The following ABCA9 variants were observed in gnomAD, a reference collection of about 807,000 sequenced individuals.
ABCA9 encodes ATP-binding cassette sub-family A member 9.
In ABCA9, 183 loss-of-function variants were observed where a neutral mutation model predicts 205.3. That is an observed-to-expected ratio of 0.89 (90% confidence interval 0.79 to 1.01). ABCA9 has a LOEUF of 1.01. Among genes scored for constraint, ABCA9 ranks in the 50% least tolerant of loss-of-function variants. The pLI is 0.00. For missense variants in ABCA9, 1,805 were observed against 1,912.4 expected (o/e 0.94, Z 1.05); for synonymous variants, 651 against 683.3 (o/e 0.95, Z 0.74).
chr17:68,993,027 C>A lies in ABCA9; in HGVS notation c.3613G>T (p.Ala1205Ser). The A allele has an allele frequency of 1.9e-6, 3 of 1,612,774 alleles. No individual in the cohort carries two copies. Among genetic ancestry groups the A allele is most frequent in the Non-Finnish European group, 2.5e-6 (3 of 1,179,272 alleles). ...AAAAGTCTTCTTACTATTAGCAGTG[C>A]CAGGTATACAATTTCAGATTCTGAA... ...GASESEIVYL[A>S]LLIPYLHFLI... The change falls in exon 27 of 39, where the codon GCA (alanine) becomes TCA (serine). Residue 1205 changes from alanine (A) to serine (S), a missense_variant. Transcript: ENST00000340001.
Position 68,990,902 on chromosome 17 carries a change from C to G in ABCA9, c.3772G>C (p.Glu1258Gln). Residue 1258 changes from glutamate (E) to glutamine (Q), a missense_variant, in exon 29 of 39, where the codon GAG becomes CAG. By Grantham distance (29) the Glu-to-Gln change is conservative (BLOSUM62 2). Coordinates refer to ENST00000340001, the MANE Select transcript of ABCA9 (RefSeq NM_080283.4). The part of the protein sequence containing the change: ...FPNPEEPEGE[E>Q]EDIQMERMRT... ...ATTCTTTCCATCTGGATATCTTCCT[C>G]CTCTCCTTCAGGCTCTTCTGGGTTT... 4 of 1,613,986 alleles carry G rather than the reference C, an allele frequency of 2.5e-6. No individual in the cohort carries two copies. Among genetic ancestry groups the G allele is most frequent in the Non-Finnish European group, 3.4e-6 (4 of 1,179,934 alleles).
chr17:69,065,753 C>G (rs970665673), upstream of ABCA9, among the ~76,000 whole-genome samples: 2 of 152,116 alleles, frequency 1.3e-5, no homozygotes, highest in Admixed American at 6.6e-5. Flanking sequence ...GGCCGTGTCC[C>G]CCCGGCAAAT....
rs2068863671 is a variant in ABCA9, at chr17:68,975,117, T to G, written c.*798A>C. The G allele has an allele frequency of 1.3e-5, 2 of 152,182 alleles. No individual in the cohort carries two copies. The highest frequency in any genetic ancestry group is 4.1e-4 in the South Asian group (2 of 4,834). The allele number at this position is 152,182 out of a possible 1,614,324, so 9.4% of individuals were successfully genotyped here. ...GAACATGCGGTGTTTGGTTTTCTGT[T>G]CCTGTGTTAGTTTGCTGAGGATGAT... is the stretch of plus-strand genomic sequence containing the variant. On this transcript the variant is annotated 3_prime_UTR_variant, in exon 39 of 39. Transcript: ENST00000340001.
At chr17:68,984,425 A>G (rs2069164267) in intron 34 of ABCA9, among the ~76,000 whole-genome samples, 1 of 152,218 alleles carries the variant, frequency 6.6e-6, no homozygotes, top group Non-Finnish European at 1.5e-5. Context: ...ATTTATGAGA[A>G]TGCAGTAGGA....
At position 68,980,262 on chromosome 17, in the gene ABCA9, G is replaced by T. The variant is rs965218371; in HGVS notation, c.4720+2300C>A. Among the ~76,000 whole-genome samples the T allele has an allele frequency of 3.4e-4, 52 of 151,982 alleles. No individual in the cohort carries two copies. In the East Asian group the frequency reaches 0.01, roughly 29 times the overall value. ...ACCATCTCACACCAGTTAGAATGGC[G>T]ATCATTAAAAAGTCAGGAAACAACA... On this transcript the variant is annotated intron_variant, in intron 37 of 38. Coordinates refer to ENST00000340001, the MANE Select transcript of ABCA9 (RefSeq NM_080283.4).
At chr17:69,027,157 T>A in intron 14 of ABCA9, 43 bp from the exon 15 acceptor site, 1 of 1,602,612 alleles carries the variant, frequency 6.2e-7, no homozygotes, top group South Asian at 1.1e-5. Context: ...CCCTTTCGGA[T>A]AAGATCCTTT....
intron 26 of ABCA9, 29 bp from the exon 27 acceptor site, chr17:68,993,113 G>T: frequency 1.3e-6 from 2 of 1,568,912 alleles, no homozygotes; most frequent in Non-Finnish European, 1.8e-6. Context: ...GTGTATTCAG[G>T]TGAACCTTCT....
chr17:68,986,522 T>C, intron 31 of ABCA9, 198 bp from the exon 32 acceptor site: 1 of 478,266 alleles, frequency 2.1e-6, no homozygotes, highest in Non-Finnish European at 3.6e-6. Context: ...TGGTTATCCA[T>C]TGTAGTGTAG....
intron 22 of ABCA9, among the ~76,000 whole-genome samples, chr17:69,014,247 C>T (rs1308479252): frequency 2.0e-5 from 3 of 152,068 alleles, no homozygotes; most frequent in Non-Finnish European, 4.4e-5. Context: ...TGGAAAATTC[C>T]ATACCTGACC....
chr17:69,050,163 A>G (rs2144502700), intron 2 of ABCA9, among the ~76,000 whole-genome samples: 1 of 152,244 alleles, frequency 6.6e-6, no homozygotes, highest in African/African-American at 2.4e-5. Flanking sequence ...AGAAAAATAA[A>G]TATAATGTTT....
chr17:69,073,867 T>C, the ABCA9 span, among the ~76,000 whole-genome samples: 2 of 150,528 alleles, frequency 1.3e-5, no homozygotes, highest in African/African-American at 2.4e-5. Flanking sequence ...AACTTTTACT[T>C]TTTTTTTTGT....
chr17:69,017,101 C>A (rs2070646454), intron 21 of ABCA9, among the ~76,000 whole-genome samples: 1 of 152,080 alleles, frequency 6.6e-6, no homozygotes, highest in African/African-American at 2.4e-5. Context: ...TAATTTCTTA[C>A]TTTATTTTTG....
intron 17 of ABCA9, among the ~76,000 whole-genome samples, chr17:69,022,993 T>C (rs572858745): frequency 6.6e-6 from 1 of 152,326 alleles, no homozygotes; most frequent in South Asian, 2.1e-4. Context: ...AGCTAAAACT[T>C]TGCTGTGTGA....
chr17:69,049,297 G>A lies in ABCA9; in HGVS notation c.290C>T (p.Ala97Val). The change falls in exon 3 of 39, where the codon GCC becomes GTC. Residue 97 changes from alanine (A) to valine (V), a missense_variant. Coordinates refer to ENST00000340001, the MANE Select transcript of ABCA9 (RefSeq NM_080283.4). ...AGGGAACATACCTTTTAGGAATGGG[G>A]CTGAAGCCACTTTGTTCATTATCTC... Reference protein sequence around the residue: ...TQEIMNKVASAPFLKGRTIMG... With the variant: ...TQEIMNKVASVPFLKGRTIMG... 1 of 1,612,386 alleles carries A rather than the reference G, an allele frequency of 6.2e-7. No homozygotes were observed. Among genetic ancestry groups the A allele is most frequent in the South Asian group, 1.1e-5 (1 of 90,814 alleles).
At chr17:69,001,169 G>C (rs935164340) in intron 25 of ABCA9, among the ~76,000 whole-genome samples, 6 of 151,446 alleles carry the variant, frequency 4.0e-5, no homozygotes, top group Non-Finnish European at 8.8e-5. Flanking sequence ...GAATAGGAGT[G>C]GTGAGAGAGG....
At chr17:68,990,988 C>T in intron 28 of ABCA9, 31 bp from the exon 29 acceptor site, 4 of 1,583,308 alleles carry the variant, frequency 2.5e-6, no homozygotes, top group Non-Finnish European at 3.4e-6. Context: ...TAATGATAAA[C>T]TTCGGGTTAA....
At chr17:69,030,070 G>A (rs2071109791) in intron 10 of ABCA9, among the ~76,000 whole-genome samples, 1 of 152,154 alleles carries the variant, frequency 6.6e-6, no homozygotes, top group Admixed American at 6.6e-5. Flanking sequence ...GATTTTAAGT[G>A]AGTTCAAGGA....
chr17:69,017,918 A>T, intron 20 of ABCA9, 129 bp from the exon 21 acceptor site: 1 of 1,005,056 alleles, frequency 9.9e-7, no homozygotes, highest in Non-Finnish European at 1.5e-6. Flanking sequence ...TTAAAAAAGC[A>T]GAATTGATGT....
chr17:68,995,025 A>G (rs1466194161), intron 26 of ABCA9, among the ~76,000 whole-genome samples: 1 of 152,164 alleles, frequency 6.6e-6, no homozygotes, highest in Admixed American at 6.5e-5. Context: ...TTTTCTACTA[A>G]GTTCACTCTT....
Sources: gnomAD v4.1 joint callset for allele counts (sites outside exome capture counted in the v4.1 genomes callset) on GRCh38, gnomAD v4.1.1 for gene constraint, MANE v1.5 for transcripts, NCBI Gene and HGNC (gene_info 2026-07-23, HGNC 2026-07-21) for gene names.